The following MTBP variants were observed in gnomAD, a reference collection of about 807,000 sequenced individuals.
MTBP encodes mdm2-binding protein.
MTBP carries 101 observed loss-of-function variants against 117.0 expected under a neutral mutation model. The ratio of observed to expected loss-of-function variants is 0.86; its 90% CI spans 0.73 to 1.02. The LOEUF (loss-of-function observed/expected upper bound fraction) is 1.02. Among genes scored for constraint, MTBP ranks in the 50% least tolerant of loss-of-function variants. MTBP has a pLI of 0.00. For synonymous variants in MTBP, 350 were observed against 351.5 expected, an observed-to-expected ratio of 1.00 and a Z score of 0.05; for missense variants, 970 against 1,030.9, an observed-to-expected ratio of 0.94 and a Z score of 0.81.
At chr8:120,454,508 C>T (rs1043857226) in intron 5 of MTBP, among the ~76,000 whole-genome samples, 7 of 151,938 alleles carry the variant, frequency 4.6e-5, no homozygotes, top group South Asian at 4.1e-4. Flanking sequence ...AGTTGGTATC[C>T]GCAAATACTT....
At chr8:120,479,905 A>G (rs1284005601) in intron 11 of MTBP, among the ~76,000 whole-genome samples, 2 of 152,186 alleles carry the variant, frequency 1.3e-5, no homozygotes, top group Non-Finnish European at 2.9e-5. Context: ...TAATTTAACC[A>G]TCAACCTCAG....
At chr8:120,502,713 T>C in intron 15 of MTBP, 104 bp downstream of exon 15, 2 of 696,882 alleles carry the variant, frequency 2.9e-6, no homozygotes, top group South Asian at 4.4e-5. Flanking sequence ...TTTATTGTTT[T>C]ATTATAAAAG....
At chr8:120,469,733 A>G (rs1483333395) in intron 10 of MTBP, among the ~76,000 whole-genome samples, 1 of 152,260 alleles carries the variant, frequency 6.6e-6, no homozygotes, top group African/African-American at 2.4e-5. Context: ...GCCAGAAAAC[A>G]TAAAGCGAGA....
chr8:120,518,818 G>T lies in MTBP; in HGVS notation c.2610+1G>T. ...TGAAATCTCTAAGTTCTATCTAAAG[G>T]TACGGTATCTTCTCTACTAATGGCA... On this transcript the variant is annotated splice_donor_variant, in intron 20 of 21. Coordinates refer to ENST00000305949, the MANE Select transcript of MTBP (RefSeq NM_022045.5). LOFTEE classifies it high-confidence loss of function. The T allele has an allele frequency of 6.3e-7, 1 of 1,599,006 alleles. No individual in the cohort carries two copies. Among genetic ancestry groups the T allele is most frequent in the South Asian group, 1.1e-5 (1 of 89,618 alleles).
chr8:120,502,447 G>T, intron 14 of MTBP, 45 bp from the exon 15 acceptor site: 1 of 1,310,614 alleles, frequency 7.6e-7, no homozygotes, highest in African/African-American at 1.5e-5. Context: ...GCAAAATTCA[G>T]TATGATAATA....
chr8:120,500,464 A>G (rs1814560345), intron 14 of MTBP, among the ~76,000 whole-genome samples: 1 of 152,158 alleles, frequency 6.6e-6, no homozygotes, highest in Non-Finnish European at 1.5e-5. Flanking sequence ...ATATTCTTTT[A>G]TGAACTCATG....
At chr8:120,493,632 A>C (rs927143395) in intron 13 of MTBP, among the ~76,000 whole-genome samples, 2 of 152,010 alleles carry the variant, frequency 1.3e-5, no homozygotes, top group Non-Finnish European at 2.9e-5. Flanking sequence ...CTAGCATTAC[A>C]GGCATGTACC....
At chr8:120,465,391 A>G (rs537802928) in intron 10 of MTBP, among the ~76,000 whole-genome samples, 28 of 152,270 alleles carry the variant, frequency 1.8e-4, no homozygotes, top group African/African-American at 6.7e-4. Flanking sequence ...GGAAATAATA[A>G]TCCCTCTGTT....
chr8:120,489,090 G>A (rs917648579), intron 12 of MTBP, among the ~76,000 whole-genome samples: 6 of 137,776 alleles, frequency 4.4e-5, no homozygotes, highest in Admixed American at 4.3e-4. Flanking sequence ...CCAGGCTAGA[G>A]TGCAGTGGTG....
At chr8:120,505,224 T>C (rs1477691571) in intron 15 of MTBP, among the ~76,000 whole-genome samples, 2 of 152,114 alleles carry the variant, frequency 1.3e-5, no homozygotes, top group East Asian at 3.9e-4. Context: ...CTCACTTATA[T>C]TAATGTTAGG....
intron 15 of MTBP, 59 bp downstream of exon 15, chr8:120,502,668 A>T: frequency 9.6e-7 from 1 of 1,036,896 alleles, no homozygotes. Context: ...TGAATTTTTT[A>T]AAATAGTTAA....
chr8:120,464,371 A>G (rs1469676660), intron 10 of MTBP, among the ~76,000 whole-genome samples: 5 of 152,092 alleles, frequency 3.3e-5, no homozygotes, highest in Non-Finnish European at 5.9e-5. Context: ...GGAAAAAGTG[A>G]AAGTTTGCTT....
Position 120,488,194 on chromosome 8 carries a change from T to C in MTBP, c.1201T>C (p.Tyr401His), listed in dbSNP as rs1429258268. Residue 401 changes from tyrosine (Y) to histidine (H), a missense_variant, in exon 12 of 22, where the codon TAT (tyrosine) becomes CAT (histidine). Coordinates refer to ENST00000305949, the MANE Select transcript of MTBP (RefSeq NM_022045.5). Reference protein sequence around the residue: ...DVEVKGECSSYYLLLQGNGNR... With the variant: ...DVEVKGECSSHYLLLQGNGNR... ...TGAAGTGAAAGGAGAGTGTTCTAGC[T>C]ATTATCTCTTGTTACAAGGTAATGG... 6.3e-7 allele frequency: 1 copy of C among 1,590,414 alleles called. No homozygotes were observed. The highest frequency in any genetic ancestry group is 1.8e-5 in the Admixed American group (1 of 54,566).
At chr8:120,498,540 T>C (rs973578308) in intron 14 of MTBP, among the ~76,000 whole-genome samples, 3 of 152,204 alleles carry the variant, frequency 2.0e-5, no homozygotes, top group African/African-American at 7.2e-5. Context: ...TCTTTGTGCC[T>C]CTGCTTCTTT....
At chr8:120,458,714 C>A (rs957831377) in intron 7 of MTBP, among the ~76,000 whole-genome samples, 3 of 151,486 alleles carry the variant, frequency 2.0e-5, no homozygotes, top group African/African-American at 7.3e-5. Context: ...GGTGGCAGGT[C>A]CCTGTAATCC....
chr8:120,463,527 A>G (rs965708777), intron 9 of MTBP, among the ~76,000 whole-genome samples, 165 bp from the exon 10 acceptor site: 11 of 152,206 alleles, frequency 7.2e-5, no homozygotes, highest in African/African-American at 2.4e-4. Context: ...AATAATTGGA[A>G]AAATACTTAT....
chr8:120,496,815 T>C (rs911934037), intron 13 of MTBP, among the ~76,000 whole-genome samples: 1 of 152,176 alleles, frequency 6.6e-6, no homozygotes, highest in Non-Finnish European at 1.5e-5. Flanking sequence ...TATCCAGTCC[T>C]GTTTCAGTCC....
chr8:120,493,161 T>C (rs1814381427), intron 13 of MTBP, among the ~76,000 whole-genome samples: 1 of 152,194 alleles, frequency 6.6e-6, no homozygotes, highest in Admixed American at 6.5e-5. Flanking sequence ...CTTTAATAAA[T>C]CCTTAGTTAT....
At chr8:120,478,202 A>G (rs1034328168) in intron 11 of MTBP, among the ~76,000 whole-genome samples, 7 of 152,240 alleles carry the variant, frequency 4.6e-5, no homozygotes, top group East Asian at 3.9e-4. Context: ...GAGTTGAACA[A>G]TGAGAACACA....
Sources: allele counts gnomAD v4.1 joint callset (sites outside exome capture counted in the v4.1 genomes callset), GRCh38; gene constraint gnomAD v4.1.1; transcripts MANE v1.5; gene names NCBI Gene and HGNC (gene_info 2026-07-23, HGNC 2026-07-21).